AFF2: variants seen among roughly 807,000 people sequenced by gnomAD.
The protein encoded by AFF2 is AF4/FMR2 family member 2.
In AFF2, 14 loss-of-function variants were observed where a neutral mutation model predicts 76.9. The observed-to-expected ratio is 0.18, with a 90% CI of 0.12 to 0.28. The LOEUF is 0.28. Ranked by LOEUF, AFF2 falls within the 10% of genes least tolerant of loss-of-function variation. AFF2 has a pLI of 1.00. For missense variants in AFF2, 868 were observed against 1,001.1 expected (o/e 0.87, Z 1.79); for synonymous variants, 398 against 366.7 (o/e 1.09, Z -0.98).
intron 19 of AFF2, 72 bp downstream of exon 19, chrX:148,980,862 C>A: frequency 1.2e-6 from 1 of 826,247 alleles, no homozygotes; most frequent in Non-Finnish European, 1.8e-6. Flanking sequence ...TTTGCATTGA[C>A]AAGTCAGGAG....
At chrX:148,703,867 TA>T (rs782157968) in intron 3 of AFF2, among the ~76,000 whole-genome samples, 18 of 110,248 alleles carry the variant, frequency 1.6e-4, no homozygotes, top group Non-Finnish European at 2.8e-4. Context: ...AATGCAACCT[TA>T]AATAGGCCAG....
intron 3 of AFF2, among the ~76,000 whole-genome samples, chrX:148,702,050 CATT>C (rs1286784401): frequency 9.0e-6 from 1 of 111,620 alleles, no homozygotes; most frequent in African/African-American, 3.3e-5. Flanking sequence ...TTAAGTGTGC[CATT>C]ATTGTGAATT....
At chrX:148,887,917 A>G (rs2071178006) in intron 8 of AFF2, among the ~76,000 whole-genome samples, 1 of 112,480 alleles carries the variant, frequency 8.9e-6, no homozygotes, top group African/African-American at 3.2e-5. Flanking sequence ...ACCAAAAGAG[A>G]ATGCTTGTGC....
At chrX:148,825,592 T>TTG (rs1170523507) in intron 4 of AFF2, among the ~76,000 whole-genome samples, 1 of 107,056 alleles carries the variant, frequency 9.3e-6, no homozygotes, top group East Asian at 3.1e-4. Flanking sequence ...ATAGAGTAGT[T>TTG]TTTTTTTTTC....
intron 7 of AFF2, among the ~76,000 whole-genome samples, chrX:148,875,567 A>G (rs1557277780): frequency 8.9e-6 from 1 of 112,012 alleles, no homozygotes; most frequent in Non-Finnish European, 1.9e-5. Context: ...CATTTGAAAC[A>G]TGGTCATCTG....
chrX:148,858,652 T>G (rs1240998832), intron 7 of AFF2, among the ~76,000 whole-genome samples: 1 of 111,352 alleles, frequency 9.0e-6, no homozygotes, highest in Non-Finnish European at 1.9e-5. Flanking sequence ...TCAATTCGTT[T>G]TGTTCAAACT....
intron 3 of AFF2, among the ~76,000 whole-genome samples, chrX:148,736,389 A>G (rs1160632773): frequency 9.0e-6 from 1 of 110,521 alleles, no homozygotes; most frequent in Admixed American, 9.5e-5. Flanking sequence ...CATTTTTTTC[A>G]TATGTTTGTT....
At chrX:148,693,172 C>T (rs1282058626) in intron 3 of AFF2, among the ~76,000 whole-genome samples, 1 of 111,480 alleles carries the variant, frequency 9.0e-6, no homozygotes, top group Non-Finnish European at 1.9e-5. Context: ...CCGCCTCGAC[C>T]TCCCAAAGTG....
At chrX:148,899,877 G>A (rs1557280704) in intron 8 of AFF2, among the ~76,000 whole-genome samples, 1 of 110,061 alleles carries the variant, frequency 9.1e-6, no homozygotes. Context: ...AAAAGGAGGG[G>A]GATAATGTCA....
At chrX:148,841,526 G>A (rs1207952625) in intron 5 of AFF2, among the ~76,000 whole-genome samples, 5 of 111,870 alleles carry the variant, frequency 4.5e-5, no homozygotes, top group African/African-American at 1.6e-4. Context: ...TGTAGTATGT[G>A]TAATATTATA....
chrX:148,647,811 G>C (rs1052144433), intron 1 of AFF2, among the ~76,000 whole-genome samples: 1 of 110,661 alleles, frequency 9.0e-6, no homozygotes, highest in Non-Finnish European at 1.9e-5. Flanking sequence ...GTAAAATGAG[G>C]GCACTGCAAC....
At chrX:148,598,290 C>A (rs2053594115) in intron 1 of AFF2, among the ~76,000 whole-genome samples, 1 of 111,798 alleles carries the variant, frequency 8.9e-6, no homozygotes, top group Admixed American at 9.5e-5. Flanking sequence ...CATCTTCCAG[C>A]CAGCAACAAG....
At chrX:148,612,631 G>A (rs782491107) in intron 1 of AFF2, among the ~76,000 whole-genome samples, 5 of 112,241 alleles carry the variant, frequency 4.5e-5, no homozygotes, top group African/African-American at 1.6e-4. Context: ...GTAAGACCTG[G>A]TTGGTAAGCT....
chrX:148,828,929 A>G (rs1426973366), intron 4 of AFF2, among the ~76,000 whole-genome samples: 2 of 112,019 alleles, frequency 1.8e-5, no homozygotes, highest in African/African-American at 6.5e-5. Context: ...TCCCAATTGT[A>G]CATTATAATT....
chrX:148,847,486 G>A (rs1466709915), intron 7 of AFF2, among the ~76,000 whole-genome samples: 4 of 111,955 alleles, frequency 3.6e-5, no homozygotes, highest in African/African-American at 6.5e-5. Flanking sequence ...CCATGCTGTC[G>A]AGAATGCCTG....
intron 9 of AFF2, among the ~76,000 whole-genome samples, chrX:148,913,042 C>G (rs2071488971): frequency 8.8e-6 from 1 of 113,149 alleles, no homozygotes; most frequent in African/African-American, 3.2e-5. Context: ...AAATTGGGCT[C>G]TTAATGTTGT....
At chrX:148,912,647 C>A (rs782224696) in intron 9 of AFF2, among the ~76,000 whole-genome samples, 1 of 112,274 alleles carries the variant, frequency 8.9e-6, no homozygotes, top group African/African-American at 3.2e-5. Flanking sequence ...AATGAATTGA[C>A]TGTAAATGCT....
At chrX:148,896,863 A>C (rs1319729900) in intron 8 of AFF2, among the ~76,000 whole-genome samples, 1 of 110,227 alleles carries the variant, frequency 9.1e-6, no homozygotes, top group African/African-American at 3.3e-5. Flanking sequence ...AGTTGTTAGC[A>C]CAGAAATAGT....
At chrX:148,693,453 G>A (rs1336811377) in intron 3 of AFF2, among the ~76,000 whole-genome samples, 1 of 112,033 alleles carries the variant, frequency 8.9e-6, no homozygotes, top group Non-Finnish European at 1.9e-5. Context: ...TGTTCATCTG[G>A]ACAAATATGA....
Sources: gnomAD v4.1 joint callset for allele counts (sites outside exome capture counted in the v4.1 genomes callset) on GRCh38, gnomAD v4.1.1 for gene constraint, MANE v1.5 for transcripts, NCBI Gene and HGNC (gene_info 2026-07-23, HGNC 2026-07-21) for gene names.